The following PTPRA variants were observed in gnomAD, a reference collection of about 807,000 sequenced individuals.
PTPRA encodes protein tyrosine phosphatase receptor type A.
In PTPRA, 25 loss-of-function variants were observed where a neutral mutation model predicts 104.8. That is an observed-to-expected ratio of 0.24 (90% CI 0.17 to 0.33). The LOEUF (loss-of-function observed/expected upper bound fraction) is 0.33. Among genes scored for constraint, PTPRA ranks in the 10% least tolerant of loss-of-function variants. PTPRA has a pLI of 1.00. For missense variants in PTPRA, 765 were observed against 1,015.3 expected, an observed-to-expected ratio of 0.75 and a Z score of 3.35; for synonymous variants, 323 against 368.9, an observed-to-expected ratio of 0.88 and a Z score of 1.43.
intron 9 of PTPRA, among the ~76,000 whole-genome samples, chr20:3,002,878 C>T (rs931689840): frequency 6.6e-6 from 1 of 152,186 alleles, no homozygotes; most frequent in Non-Finnish European, 1.5e-5. Flanking sequence ...AGGCTCATCT[C>T]TTCCTACTTC....
intron 1 of PTPRA, among the ~76,000 whole-genome samples, chr20:2,882,469 T>G (rs2090116284): frequency 6.6e-6 from 1 of 151,888 alleles, no homozygotes; most frequent in African/African-American, 2.4e-5. Context: ...TATTTTTTAT[T>G]TTTAGGAGAG....
chr20:3,029,976 C>T (rs1052587408), intron 20 of PTPRA, among the ~76,000 whole-genome samples: 1 of 152,118 alleles, frequency 6.6e-6, no homozygotes, highest in Non-Finnish European at 1.5e-5. Context: ...CTGTTCCTGC[C>T]GTCTCTGATC....
At chr20:2,868,310 C>CTTTT in the PTPRA span, among the ~76,000 whole-genome samples, 42 of 104,152 alleles carry the variant, frequency 4.0e-4, no homozygotes, top group African/African-American at 9.1e-4. Context: ...GACTCCACCT[C>CTTTT]TTTTTTTTTT....
At chr20:2,889,440 A>C (rs1045470026) in intron 1 of PTPRA, among the ~76,000 whole-genome samples, 2 of 152,340 alleles carry the variant, frequency 1.3e-5, no homozygotes, top group Non-Finnish European at 2.9e-5. Flanking sequence ...GCTCTTGGGC[A>C]ATCTGTGATA....
chr20:2,959,089 A>AAAG, intron 3 of PTPRA, among the ~76,000 whole-genome samples: 1 of 152,288 alleles, frequency 6.6e-6, no homozygotes, highest in African/African-American at 2.4e-5. Flanking sequence ...TCGGAGACGG[A>AAAG]TGAGGTTTTC....
chr20:2,868,457 C>G (rs1291105160), upstream of PTPRA, among the ~76,000 whole-genome samples: 4 of 151,254 alleles, frequency 2.6e-5, no homozygotes, highest in African/African-American at 4.9e-5. Context: ...ACCACTGAAC[C>G]TGGCCTGGAC....
At chr20:2,926,769 C>CTTTTTTTTTTTT (rs777386962) in intron 2 of PTPRA, among the ~76,000 whole-genome samples, 1 of 85,020 alleles carries the variant, frequency 1.2e-5, no homozygotes, top group Non-Finnish European at 2.1e-5. Flanking sequence ...TTTCCTTTTC[C>CTTTTTTTTTTTT]TTTTTTTTTT....
Position 2,934,182 on chromosome 20 carries a change from C to T in PTPRA, c.-50+10897C>T, listed in dbSNP as rs117845292. On this transcript the variant is annotated intron_variant, in intron 2 of 23. Coordinates refer to ENST00000399903, the MANE Select transcript of PTPRA (RefSeq NM_001385305.1). The stretch of plus-strand genomic sequence containing the variant: ...ACAGTGGCACAATCATGGCTCACTG[C>T]GGCATCTACCTCCCCAGGCTCAGGT... 1.4e-3 allele frequency among the ~76,000 whole-genome samples: 208 copies of T among 152,208 alleles called. 2 individuals are homozygous for T. In the South Asian group the frequency reaches 0.027, roughly 19 times the overall value.
chr20:2,939,732 G>A (rs1345662861), intron 2 of PTPRA, among the ~76,000 whole-genome samples: 1 of 152,158 alleles, frequency 6.6e-6, no homozygotes, highest in African/African-American at 2.4e-5. Context: ...CTGGTCCCTA[G>A]CCAATCTACC....
chr20:2,912,061 G>A (rs2059743898), intron 1 of PTPRA, among the ~76,000 whole-genome samples: 1 of 151,756 alleles, frequency 6.6e-6, no homozygotes, highest in Non-Finnish European at 1.5e-5. Flanking sequence ...TGGGCAACCT[G>A]GTGAAACCCC....
At chr20:2,989,778 G>C (rs569800005) in intron 9 of PTPRA, among the ~76,000 whole-genome samples, 1 of 152,182 alleles carries the variant, frequency 6.6e-6, no homozygotes, top group African/African-American at 2.4e-5. Flanking sequence ...AGCACTTTGG[G>C]AGGCCAAGGC....
Position 3,027,106 on chromosome 20 carries a change from C to A in PTPRA, c.1709-15C>A. 1 of 1,613,086 alleles carries A rather than the reference C, an allele frequency of 6.2e-7. No individual in the cohort carries two copies. Among genetic ancestry groups the A allele is most frequent in the Non-Finnish European group, 8.5e-7 (1 of 1,179,020 alleles). On this transcript the variant is annotated splice_polypyrimidine_tract_variant and intron_variant, in intron 18 of 23. Coordinates refer to ENST00000399903, the MANE Select transcript of PTPRA (RefSeq NM_001385305.1). Reference sequence around the variant, plus strand: ...AATGATATTGGCTAGCCATAAGCCGCTATTCTTCTTACAGATGAATTCAAC... The same window carrying A: ...AATGATATTGGCTAGCCATAAGCCGATATTCTTCTTACAGATGAATTCAAC...
chr20:3,019,358 C>T (rs1216537456), intron 13 of PTPRA, among the ~76,000 whole-genome samples: 2 of 138,086 alleles, frequency 1.4e-5, no homozygotes. Context: ...CTTCTCAGAC[C>T]GGGCGGCTGC....
chr20:3,023,507 T>C (rs1294556627), intron 16 of PTPRA, among the ~76,000 whole-genome samples: 1 of 152,244 alleles, frequency 6.6e-6, no homozygotes, highest in African/African-American at 2.4e-5. Context: ...TGAGATATGC[T>C]GGCGGCAATA....
intron 5 of PTPRA, among the ~76,000 whole-genome samples, chr20:2,972,575 T>C (rs578228349): frequency 1.3e-5 from 2 of 152,334 alleles, no homozygotes; most frequent in Admixed American, 1.3e-4. Context: ...CATTTAGAAT[T>C]TTCTCTGTCT....
chr20:2,908,498 A>G (rs1287773325), intron 1 of PTPRA, among the ~76,000 whole-genome samples: 3 of 152,202 alleles, frequency 2.0e-5, no homozygotes, highest in Non-Finnish European at 4.4e-5. Flanking sequence ...CGGTTGATCC[A>G]CAGATACCAA....
intron 3 of PTPRA, among the ~76,000 whole-genome samples, chr20:2,958,994 A>G (rs902822669): frequency 4.6e-5 from 7 of 152,168 alleles, no homozygotes; most frequent in African/African-American, 1.7e-4. Context: ...TTTGGAAACC[A>G]GAGAGAGAAG....
intron 6 of PTPRA, among the ~76,000 whole-genome samples, chr20:2,982,245 C>G (rs941574919): frequency 6.6e-6 from 1 of 151,952 alleles, no homozygotes; most frequent in Non-Finnish European, 1.5e-5. Context: ...GGTGTGCCAC[C>G]ACACCCGCTA....
In PTPRA at chr20:3,032,622, T is replaced by C. The variant is rs766576962; in HGVS notation, c.1921-2963T>C. 7.4e-4 allele frequency among the ~76,000 whole-genome samples: 112 copies of C among 151,704 alleles called. 1 individual carries two copies. The highest frequency in any genetic ancestry group is 1.0e-3 in the Non-Finnish European group (68 of 67,876). On this transcript the variant is annotated intron_variant, in intron 20 of 23. Coordinates refer to ENST00000399903, the MANE Select transcript of PTPRA (RefSeq NM_001385305.1). ...CTCTACTAAAAATACAAAAATTAGCTGGGCGCGATGGTGCATGCCTGTGAT... is the reference window on the plus strand; with the variant it reads ...CTCTACTAAAAATACAAAAATTAGCCGGGCGCGATGGTGCATGCCTGTGAT...
Sources: gnomAD v4.1 joint callset for allele counts (sites outside exome capture counted in the v4.1 genomes callset) on GRCh38, gnomAD v4.1.1 for gene constraint, MANE v1.5 for transcripts, NCBI Gene and HGNC (gene_info 2026-07-23, HGNC 2026-07-21) for gene names.